The following RASGRF2 variants were observed in gnomAD, a reference collection of about 807,000 sequenced individuals.
The protein encoded by RASGRF2 is ras-specific guanine nucleotide-releasing factor 2.
Under a neutral mutation model 151.0 loss-of-function variants are expected in RASGRF2, and 76 were observed. That is an observed-to-expected ratio of 0.50 (90% CI 0.42 to 0.61). The LOEUF (loss-of-function observed/expected upper bound fraction) is 0.61. Ranked by LOEUF, RASGRF2 falls within the 20% of genes least tolerant of loss-of-function variation. The pLI is 0.00. For synonymous variants in RASGRF2, 504 were observed against 566.5 expected (o/e 0.89, Z 1.57); for missense variants, 1,148 against 1,564.6 (o/e 0.73, Z 4.49).
chr5:81,214,520 G>C, intron 23 of RASGRF2, among the ~76,000 whole-genome samples: 1 of 152,266 alleles, frequency 6.6e-6, no homozygotes, highest in Non-Finnish European at 1.5e-5. Flanking sequence ...AGACTGGTCT[G>C]TTGCTGTAGG....
At chr5:81,205,678 C>T (rs1325609553) in intron 19 of RASGRF2, among the ~76,000 whole-genome samples, 3 of 152,174 alleles carry the variant, frequency 2.0e-5, no homozygotes, top group Admixed American at 6.5e-5. Context: ...AAATCTTTCG[C>T]CTTTTACTAA....
At chr5:81,001,319 G>A (rs1446249762) in intron 1 of RASGRF2, among the ~76,000 whole-genome samples, 1 of 152,186 alleles carries the variant, frequency 6.6e-6, no homozygotes, top group African/African-American at 2.4e-5. Context: ...TGAGCGGTGA[G>A]TTGCCTTTGT....
At chr5:80,985,278 A>G (rs764747855) in intron 1 of RASGRF2, among the ~76,000 whole-genome samples, 1 of 152,208 alleles carries the variant, frequency 6.6e-6, no homozygotes, top group African/African-American at 2.4e-5. Context: ...CTGACCGTTC[A>G]TACTGATTCT....
At chr5:81,142,136 A>G (rs762679371) in intron 17 of RASGRF2, among the ~76,000 whole-genome samples, 30 of 152,208 alleles carry the variant, frequency 2.0e-4, no homozygotes, top group Non-Finnish European at 4.0e-4. Flanking sequence ...TTTCTGTTTC[A>G]AAATCAGAAG....
intron 17 of RASGRF2, among the ~76,000 whole-genome samples, chr5:81,161,309 G>A (rs764544880): frequency 3.9e-5 from 6 of 152,294 alleles, no homozygotes; most frequent in Non-Finnish European, 8.8e-5. Flanking sequence ...TGATACATAG[G>A]CAAGCTCTCC....
chr5:81,136,704 C>A (rs1275119774), intron 17 of RASGRF2, among the ~76,000 whole-genome samples: 1 of 152,110 alleles, frequency 6.6e-6, no homozygotes, highest in African/African-American at 2.4e-5. Context: ...GCAAATATTT[C>A]TTTGACTCAG....
rs1752466231 is a variant in RASGRF2 at position 81,093,995 on chromosome 5, G to A, written c.1552-301G>A. Among the ~76,000 whole-genome samples the A allele has an allele frequency of 3.3e-5, 5 of 152,056 alleles. No individual in the cohort carries two copies. In the South Asian group the frequency reaches 1.0e-3, roughly 32 times the overall value. ...TCCTGGTTGGTGAGTTCAGCCCTTT[G>A]CTAAGGTGCATTACTCTCTAAAGCC... On this transcript the variant is annotated intron_variant, in intron 10 of 26. Coordinates refer to ENST00000265080, the MANE Select transcript of RASGRF2 (RefSeq NM_006909.3).
At chr5:81,133,359 A>C (rs1348065836) in intron 17 of RASGRF2, among the ~76,000 whole-genome samples, 4 of 152,210 alleles carry the variant, frequency 2.6e-5, no homozygotes, top group Admixed American at 2.6e-4. Flanking sequence ...GTGCCACCAC[A>C]CTGATTGAAA....
At chr5:81,146,573 C>T (rs562003681) in intron 17 of RASGRF2, among the ~76,000 whole-genome samples, 30 of 152,106 alleles carry the variant, frequency 2.0e-4, no homozygotes, top group Middle Eastern at 3.4e-3. Flanking sequence ...GATTCTGGGA[C>T]GAAAAACTTG....
At chr5:81,111,259 G>C (rs775611445) in intron 13 of RASGRF2, among the ~76,000 whole-genome samples, 3 of 152,086 alleles carry the variant, frequency 2.0e-5, no homozygotes, top group Non-Finnish European at 4.4e-5. Flanking sequence ...TTCATTGATC[G>C]CCGGTCCTGA....
intron 17 of RASGRF2, among the ~76,000 whole-genome samples, chr5:81,157,136 C>T (rs1034274939): frequency 4.0e-5 from 6 of 151,894 alleles, no homozygotes; most frequent in East Asian, 1.9e-4. Context: ...GAGGCTGAGG[C>T]GGGCGGATCA....
At chr5:81,061,395 C>T (rs1751426289) in intron 2 of RASGRF2, among the ~76,000 whole-genome samples, 1 of 152,042 alleles carries the variant, frequency 6.6e-6, no homozygotes, top group African/African-American at 2.4e-5. Context: ...TGACTCACTT[C>T]AGTGGTACTA....
chr5:81,172,366 T>G (rs1360631870), intron 17 of RASGRF2, among the ~76,000 whole-genome samples: 8 of 152,174 alleles, frequency 5.3e-5, no homozygotes, highest in Admixed American at 3.9e-4. Context: ...TTTACCATTC[T>G]TCATGTATTT....
chr5:80,965,791 A>G (rs1747703490), intron 1 of RASGRF2, among the ~76,000 whole-genome samples: 1 of 152,206 alleles, frequency 6.6e-6, no homozygotes. Context: ...AGCAAATGTC[A>G]GTGGTTCATT....
At chr5:81,010,532 AAG>A (rs1030092214) in intron 1 of RASGRF2, among the ~76,000 whole-genome samples, 9 of 152,102 alleles carry the variant, frequency 5.9e-5, no homozygotes, top group Non-Finnish European at 1.2e-4. Flanking sequence ...ATTTTTGGAG[AAG>A]CAGCAAAAAT....
intron 9 of RASGRF2, chr5:81,088,080 T>C (rs1425157264): frequency 1.3e-5 from 2 of 152,292 alleles, no homozygotes; most frequent in Non-Finnish European, 2.9e-5. Flanking sequence ...AGATATTCTT[T>C]TTTCTTTAAA....
At chr5:81,190,714 C>T (rs1200435908) in intron 18 of RASGRF2, among the ~76,000 whole-genome samples, 2 of 152,118 alleles carry the variant, frequency 1.3e-5, no homozygotes, top group Non-Finnish European at 2.9e-5. Flanking sequence ...TTTTATACAT[C>T]CCTATTGTTA....
chr5:81,114,988 A>G (rs1422632828), intron 15 of RASGRF2: 1 of 152,232 alleles, frequency 6.6e-6, no homozygotes, highest in Non-Finnish European at 1.5e-5. Context: ...TTTAAAGTCC[A>G]ATGTTTCTGT....
intron 26 of RASGRF2, among the ~76,000 whole-genome samples, chr5:81,220,216 A>G (rs927340863): frequency 3.9e-5 from 6 of 152,194 alleles, no homozygotes; most frequent in African/African-American, 1.4e-4. Flanking sequence ...AATCTTTGAC[A>G]TGACTGTGAA....
Sources: allele counts gnomAD v4.1 joint callset (sites outside exome capture counted in the v4.1 genomes callset), GRCh38; gene constraint gnomAD v4.1.1; transcripts MANE v1.5; gene names NCBI Gene and HGNC (gene_info 2026-07-23, HGNC 2026-07-21).